The following GP6 variants were observed in gnomAD, a reference collection of about 807,000 sequenced individuals.
GP6 encodes glycoprotein VI platelet.
A neutral mutation model predicts 37.3 loss-of-function variants in GP6; 45 were observed. That is an observed-to-expected ratio of 1.21 (90% CI 0.95 to 1.55). The LOEUF is 1.55. GP6 is among the 40% of genes most tolerant of loss of function. The pLI, the probability that GP6 is intolerant of heterozygous loss-of-function variation, is 0.00. For synonymous variants in GP6, 340 were observed against 316.4 expected (o/e 1.07, Z -0.79); for missense variants, 813 against 760.2 (o/e 1.07, Z -0.82).
chr19:55,018,365 G>T (rs1233099048), intron 6 of GP6, among the ~76,000 whole-genome samples: 1 of 152,226 alleles, frequency 6.6e-6, no homozygotes, highest in Non-Finnish European at 1.5e-5. Context: ...TCACAGCCGA[G>T]TCCAAAGCCT....
intron 6 of GP6, among the ~76,000 whole-genome samples, chr19:55,018,223 A>C (rs1277002959): frequency 1.3e-5 from 2 of 152,224 alleles, no homozygotes; most frequent in Non-Finnish European, 2.9e-5. Context: ...AAGGGGAAAG[A>C]GACTGAGGAA....
chr19:55,014,402 A>G lies in GP6; in HGVS notation c.1543T>C (p.Leu515=). 1 of 1,613,762 alleles carries G rather than the reference A, an allele frequency of 6.2e-7. No homozygotes were observed. The highest frequency in any genetic ancestry group is 8.5e-7 in the Non-Finnish European group (1 of 1,179,646). Residue 515 remains leucine (L), a synonymous_variant, in exon 8 of 8, where the codon TTG becomes CTG. Transcript: ENST00000310373. ...CTAAGGAAAATGAATGACATACCCA[A>G]ACTGCCTGCAAGACCCGTTCTGAGA...
chr19:55,026,196 T>G (rs1025496072), intron 4 of GP6, among the ~76,000 whole-genome samples: 2 of 152,198 alleles, frequency 1.3e-5, no homozygotes, highest in Non-Finnish European at 2.9e-5. Flanking sequence ...CTAAATGATG[T>G]ATTTTGTTTG....
chr19:55,024,889 GGTT>G (rs1281229684), intron 5 of GP6, among the ~76,000 whole-genome samples: 1 of 151,062 alleles, frequency 6.6e-6, no homozygotes, highest in Non-Finnish European at 1.5e-5. Context: ...TTGGTTGGTT[GGTT>G]GGTTGGTTGG....
chr19:55,034,716 T>TACACACACACACACAC (rs796869786), intron 1 of GP6, among the ~76,000 whole-genome samples: 131 of 148,146 alleles, frequency 8.8e-4, no homozygotes, highest in East Asian at 4.4e-3. Flanking sequence ...CCCTCATTCT[T>TACACACACACACACAC]ACACACACAC....
chr19:55,020,281 C>T (rs1216411764), intron 5 of GP6, among the ~76,000 whole-genome samples: 3 of 151,000 alleles, frequency 2.0e-5, no homozygotes, highest in Non-Finnish European at 2.9e-5. Flanking sequence ...CATAGGTAAA[C>T]GTGTGCCATG....
chr19:55,027,619 A>T lies in GP6; in HGVS notation c.569T>A (p.Leu190Gln). The T allele has an allele frequency of 6.2e-7, 1 of 1,613,580 alleles. No individual in the cohort carries two copies. Among genetic ancestry groups the T allele is most frequent in the Non-Finnish European group, 8.5e-7 (1 of 1,179,516 alleles). Residue 190 changes from leucine to glutamine, a missense_variant, in exon 4 of 8, where the codon CTG becomes CAG. Physicochemically the swap from Leu to Gln is moderately radical, Grantham distance 113 (BLOSUM62 -2). Transcript: ENST00000310373. ...CAGGGGGTCGCTGGGGGCTGACCACAGGTATGGGTCCCTGCTGGAGAAGCT... is the reference window on the plus strand; with the variant it reads ...CAGGGGGTCGCTGGGGGCTGACCACTGGTATGGGTCCCTGCTGGAGAAGCT...
Position 55,015,707 on chromosome 19 carries a change from G to T in GP6, c.751C>A (p.Pro251Thr). The change falls in exon 7 of 8, where the codon CCA becomes ACA. Residue 251 changes from proline (P) to threonine (T), a missense_variant. Pro to Thr is a conservative substitution (Grantham distance 38). Coordinates refer to ENST00000310373, the MANE Select transcript of GP6 (RefSeq NM_001083899.2). ...CCAGCTGGAGAGTCTGACTCCTTTG[G>T]ACTGGCGGTGATACTCCTAGAAGTC... The T allele has an allele frequency of 6.3e-7, 1 of 1,582,310 alleles. No homozygotes were observed.
chr19:55,015,864 A>G, intron 6 of GP6, 131 bp from the exon 7 acceptor site: 1 of 711,950 alleles, frequency 1.4e-6, no homozygotes, highest in Admixed American at 2.0e-5. Context: ...TGGGCCGGGC[A>G]CGGTGCCTCA....
intron 4 of GP6, among the ~76,000 whole-genome samples, chr19:55,026,057 T>A (rs1236249506): frequency 6.6e-6 from 1 of 150,794 alleles, no homozygotes; most frequent in Non-Finnish European, 1.5e-5. Context: ...TGGCACATTC[T>A]GGGCTATTAA....
intron 1 of GP6, among the ~76,000 whole-genome samples, chr19:55,033,570 A>G (rs895337171): frequency 1.3e-5 from 2 of 151,556 alleles, no homozygotes; most frequent in Admixed American, 6.6e-5. Context: ...GACATTGCCC[A>G]TTGACTTCCT....
Position 55,032,386 on chromosome 19 carries a change from G to C in GP6, c.78C>G (p.Pro26=), listed in dbSNP as rs975105725. The C allele has an allele frequency of 1.9e-6, 3 of 1,613,000 alleles. No individual in the cohort carries two copies. The highest frequency in any genetic ancestry group is 1.3e-5 in the African/African-American group (1 of 74,924). The change falls in exon 3 of 8, where the codon CCC becomes CCG. Residue 26 remains proline, a synonymous_variant. Coordinates refer to ENST00000310373, the MANE Select transcript of GP6 (RefSeq NM_001083899.2). ...TGGGCAGAGCCTGGAGGGAGGGCTT[G>C]GGGAGCGGTCCTGGAAGAGGAGCAG...
rs1279231005 is a variant in GP6, at chr19:55,014,537, G to T, written c.1408C>A (p.Gln470Lys). The change falls in exon 8 of 8, where the codon CAA (glutamine) becomes AAA (lysine). Residue 470 changes from glutamine (Q) to lysine (K), a missense_variant. By Grantham distance (53) the Gln-to-Lys change is moderately conservative. Coordinates refer to ENST00000310373, the MANE Select transcript of GP6 (RefSeq NM_001083899.2). ...CCAAAGGGAAGCACGGGAGGATTTT[G>T]CACAGAGGATGGAACAGAGTCAACC... 1 of 1,613,646 alleles carries T rather than the reference G, an allele frequency of 6.2e-7. No homozygotes were observed. The highest frequency in any genetic ancestry group is 1.3e-5 in the African/African-American group (1 of 74,924).
At chr19:55,031,495 C>T (rs956809005) in intron 3 of GP6, among the ~76,000 whole-genome samples, 2 of 152,126 alleles carry the variant, frequency 1.3e-5, no homozygotes, top group Non-Finnish European at 2.9e-5. Flanking sequence ...GCCTGTTTTT[C>T]GTTTTGGCAC....
At position 55,014,395 on chromosome 19, in the gene GP6, A is replaced by G. The variant is rs200566792; in HGVS notation, c.1550T>C (p.Met517Thr). The change falls in exon 8 of 8, where the codon ATG becomes ACG. Residue 517 changes from methionine (M) to threonine (T), a missense_variant. Met to Thr is a moderately conservative substitution (Grantham distance 81, BLOSUM62 -1). Transcript: ENST00000310373. ...TTTTACACTAAGGAAAATGAATGAC[A>G]TACCCAAACTGCCTGCAAGACCCGT... 1.1e-5 allele frequency: 18 copies of G among 1,612,610 alleles called. No homozygotes were observed. Among genetic ancestry groups the G allele is most frequent in the South Asian group, 7.7e-5 (7 of 91,052 alleles).
rs771474578 is a variant in GP6, at chr19:55,015,156, C to T, written c.789G>A (p.Pro263=). 2.1e-5 allele frequency: 32 copies of T among 1,559,922 alleles called. No individual in the cohort carries two copies. Among genetic ancestry groups the T allele is most frequent in the Non-Finnish European group, 2.7e-5 (31 of 1,151,420 alleles). Residue 263 remains proline, a synonymous_variant, in exon 8 of 8, where the codon CCG becomes CCA. Coordinates refer to ENST00000310373, the MANE Select transcript of GP6 (RefSeq NM_001083899.2). ...CAGGTTGCCCTTGGTGTAGTACTGG[C>T]GGGCAGGACCTGGAGGAATGAGGAG...
At chr19:55,032,598 C>T in intron 1 of GP6, 60 bp from the exon 2 acceptor site, 9 of 1,570,632 alleles carry the variant, frequency 5.7e-6, no homozygotes, top group Non-Finnish European at 7.9e-6. Context: ...TTCCTGCCTG[C>T]TGGGCGCGGT....
chr19:55,016,712 C>T (rs1450792363), intron 6 of GP6, among the ~76,000 whole-genome samples: 2 of 151,884 alleles, frequency 1.3e-5, no homozygotes, highest in African/African-American at 4.8e-5. Context: ...CTGAGACTCG[C>T]CAGGTACTCA....
At chr19:55,020,554 TC>T (rs2074041071) in intron 5 of GP6, among the ~76,000 whole-genome samples, 1 of 152,136 alleles carries the variant, frequency 6.6e-6, no homozygotes. Flanking sequence ...ATGATCTCAT[TC>T]CTTTTTATGG....
Sources: gnomAD v4.1 joint callset for allele counts (sites outside exome capture counted in the v4.1 genomes callset) on GRCh38, gnomAD v4.1.1 for gene constraint, MANE v1.5 for transcripts, NCBI Gene and HGNC (gene_info 2026-07-23, HGNC 2026-07-21) for gene names.